The following CATSPER2 variants were observed in gnomAD, a reference collection of about 807,000 sequenced individuals.
CATSPER2 encodes the protein cation channel sperm-associated protein 2.
Under a neutral mutation model 68.8 loss-of-function variants are expected in CATSPER2, and 56 were observed. The ratio of observed to expected loss-of-function variants is 0.81; its 90% CI spans 0.66 to 1.02. CATSPER2 has a LOEUF of 1.02. CATSPER2 is among the 50% of genes least tolerant of loss of function. The pLI is 0.00. For missense variants in CATSPER2, 582 were observed against 642.0 expected (o/e 0.91, Z 1.01); for synonymous variants, 198 against 229.9 (o/e 0.86, Z 1.26).
rs2085951741 is a variant in CATSPER2, at chr15:43,635,728, T to G, written c.1120A>C (p.Arg374=). 6.2e-7 allele frequency: 1 copy of G among 1,611,820 alleles called. No individual in the cohort carries two copies. Among genetic ancestry groups the G allele is most frequent in the African/African-American group, 1.3e-5 (1 of 74,818 alleles). Residue 374 remains arginine, a splice_region_variant and synonymous_variant, in exon 9 of 13, where the codon AGG becomes CGG. Transcript: ENST00000396879. The part of the protein sequence containing the change: ...ADMFKRQIIQ[R]RKNMSHEALT... ...GGGGTTGAAAAGGGAGAAGCAGACC[T>G]CTGGATGATCTGCCGCTTGAACATG...
At position 43,641,517 on chromosome 15, in the gene CATSPER2, A is replaced by G. The variant is rs560089061; in HGVS notation, c.389-1021T>C. Among the ~76,000 whole-genome samples, 377 of 96,306 alleles carry G rather than the reference A, an allele frequency of 3.9e-3. 9 individuals carry two copies. The highest frequency in any genetic ancestry group is 0.031 in the African/African-American group (356 of 11,580). 63.2% of individuals were successfully genotyped at this position (96,306 alleles called of 152,430 possible). A position where few individuals can be genotyped will look rare whatever the true frequency, so the allele number is the denominator to read the frequency against. On this transcript the variant is annotated intron_variant, in intron 4 of 12. Transcript: ENST00000396879. The stretch of plus-strand genomic sequence containing the variant: ...AATGGATGTATGCCATACCCTTGGA[A>G]AAAAAAAAAACACTCAGATTATAAT...
At position 43,635,402 on chromosome 15, in the gene CATSPER2, G is replaced by A. The variant is rs1470788441; in HGVS notation, c.1136C>T (p.Ser379Leu). The A allele has an allele frequency of 6.2e-7, 1 of 1,607,566 alleles. No individual in the cohort carries two copies. Among genetic ancestry groups the A allele is most frequent in the East Asian group, 2.2e-5 (1 of 44,774 alleles). Residue 379 changes from serine to leucine, a missense_variant, in exon 10 of 13, where the codon TCA (serine) becomes TTA (leucine). By Grantham distance (145) the Ser-to-Leu change is moderately radical. Around this residue, in one of 5 missense-constraint regions of CATSPER2, gnomAD observed 235 missense variants for 264.2 expected, o/e 0.89. Coordinates refer to ENST00000396879, the MANE Select transcript of CATSPER2 (RefSeq NM_172095.4). The stretch of plus-strand genomic sequence containing the variant: ...ATGGCTTGACGTCAGTGCTTCATGT[G>A]ACATGTTTTTTCTCCTGCAGAGCAA... ...RQIIQRRKNM[S>L]HEALTSSHSK... is the part of the protein sequence containing the mutation.
chr15:43,641,769 C>T (rs1297063923), intron 4 of CATSPER2, among the ~76,000 whole-genome samples: 1 of 151,950 alleles, frequency 6.6e-6, no homozygotes, highest in African/African-American at 2.4e-5. Context: ...AGTGCAGTTG[C>T]ATAATCACGG....
At chr15:43,636,864 A>G (rs569244338) in intron 7 of CATSPER2, among the ~76,000 whole-genome samples, 1 of 148,676 alleles carries the variant, frequency 6.7e-6, no homozygotes, top group South Asian at 2.1e-4. Context: ...GTCTCACTCT[A>G]TCATCCACGC....
intron 4 of CATSPER2, 147 bp downstream of exon 4, chr15:43,646,903 G>C: frequency 1.4e-6 from 1 of 717,228 alleles, no homozygotes; most frequent in Non-Finnish European, 2.5e-6. Flanking sequence ...TTTTAGTAGA[G>C]ACAGGGTTTC....
intron 4 of CATSPER2, among the ~76,000 whole-genome samples, chr15:43,643,498 C>T (rs375858841): frequency 8.6e-5 from 13 of 151,808 alleles, no homozygotes; most frequent in African/African-American, 3.1e-4. Context: ...TCACCATACC[C>T]ACTAATTCTT....
At position 43,638,894 on chromosome 15, in the gene CATSPER2, C is replaced by A. The variant is rs376418301; in HGVS notation, c.842+10G>T. Reference sequence around the variant, plus strand: ...TCTCCCCTCACCCAGCTGTCCCCAGCTCTGCTTACGAGAAGAACACATGGT... The same window carrying A: ...TCTCCCCTCACCCAGCTGTCCCCAGATCTGCTTACGAGAAGAACACATGGT... On this transcript the variant is annotated intron_variant, in intron 7 of 12. Coordinates refer to ENST00000396879, the MANE Select transcript of CATSPER2 (RefSeq NM_172095.4). 2.7e-5 allele frequency: 43 copies of A among 1,612,650 alleles called. No individual in the cohort carries two copies. The highest frequency in any genetic ancestry group is 1.3e-4 in the South Asian group (12 of 91,034).
chr15:43,644,191 C>G (rs1460022642), intron 4 of CATSPER2, among the ~76,000 whole-genome samples: 2 of 151,876 alleles, frequency 1.3e-5, no homozygotes, highest in Non-Finnish European at 2.9e-5. Context: ...CAGTTTAGAT[C>G]ACTTTGTGAT....
Position 43,647,907 on chromosome 15 carries a change from G to C in CATSPER2, c.145+10C>G, listed in dbSNP as rs199876382. 9.6e-5 allele frequency: 155 copies of C among 1,613,018 alleles called. 2 individuals are homozygous for C. The highest frequency in any genetic ancestry group is 1.2e-4 in the Non-Finnish European group (140 of 1,179,298). On this transcript the variant is annotated intron_variant, in intron 2 of 12. Coordinates refer to ENST00000396879, the MANE Select transcript of CATSPER2 (RefSeq NM_172095.4). ...TTAAATTTAAATTAGTGAAGAAATA[G>C]GCTGCTGACCAAGTAACTCCCTGAT...
At chr15:43,644,393 T>C (rs2141577345) in intron 4 of CATSPER2, among the ~76,000 whole-genome samples, 1 of 152,102 alleles carries the variant, frequency 6.6e-6, no homozygotes, top group East Asian at 1.9e-4. Context: ...GCAATCTACT[T>C]ATCCTCTGGC....
At chr15:43,630,822 G>A in intron 12 of CATSPER2, 90 bp from the exon 13 acceptor site, 1 of 1,609,654 alleles carries the variant, frequency 6.2e-7, no homozygotes, top group Non-Finnish European at 8.5e-7. Flanking sequence ...CTGGGTTCTA[G>A]GTTCCCTCAC....
intron 5 of CATSPER2, chr15:43,640,076 T>C (rs2086045631): frequency 6.9e-7 from 1 of 1,441,222 alleles, no homozygotes; most frequent in African/African-American, 1.4e-5. Flanking sequence ...AAAATAATGC[T>C]TGGCACTTAG....
intron 4 of CATSPER2, among the ~76,000 whole-genome samples, chr15:43,643,498 C>A (rs375858841): frequency 6.6e-6 from 1 of 151,690 alleles, no homozygotes; most frequent in East Asian, 1.9e-4. Context: ...TCACCATACC[C>A]ACTAATTCTT....
rs766292661 is a variant in CATSPER2 at position 43,647,454 on chromosome 15, C to T, written c.159G>A (p.Gln53=). The T allele has an allele frequency of 1.2e-6, 2 of 1,611,698 alleles. No homozygotes were observed. The highest frequency in any genetic ancestry group is 1.7e-5 in the Admixed American group (1 of 59,848). The change falls in exon 3 of 13, where the codon CAG becomes CAA. Residue 53 remains glutamine (Q), a synonymous_variant. Coordinates refer to ENST00000396879, the MANE Select transcript of CATSPER2 (RefSeq NM_172095.4). Reference sequence around the variant, plus strand: ...GTTGATCTCCCAATACAAGTTTCTTCTGGCGGGAAGGATCTACAACAAAAA... The same window carrying T: ...GTTGATCTCCCAATACAAGTTTCTTTTGGCGGGAAGGATCTACAACAAAAA... ...TIRELLDPSR[Q]KKLVLGDQHQ... is the part of the protein sequence containing the mutation.
In CATSPER2 at chr15:43,628,958, T is replaced by TC. The variant is rs1037082597; in HGVS notation, c.*1742dup. 3 of 147,644 alleles carry TC rather than the reference T, an allele frequency of 2.0e-5. No individual in the cohort carries two copies. The highest frequency in any genetic ancestry group is 7.8e-5 in the African/African-American group (3 of 38,618). The allele number at this position is 147,644 out of a possible 1,614,324, so 9.1% of individuals were successfully genotyped here. A position where few individuals can be genotyped will look rare whatever the true frequency, so the allele number is the denominator to read the frequency against. On this transcript the variant is annotated 3_prime_UTR_variant, in exon 13 of 13. Transcript: ENST00000396879. ...AGCACTCCAGATGCTTCATGCTTCC[T>TC]CCCCATCAGTATCTTCACTCCAAGA...
intron 6 of CATSPER2, 126 bp downstream of exon 6, chr15:43,639,517 G>A (rs1567129956): frequency 2.0e-5 from 30 of 1,516,072 alleles, no homozygotes; most frequent in Middle Eastern, 4.9e-4. Context: ...CATCCCCCTC[G>A]GCTTCCCAAA....
rs1209428451 is a variant in CATSPER2 at position 43,635,319 on chromosome 15, C to T, written c.1178+41G>A. On this transcript the variant is annotated intron_variant, in intron 10 of 12. Transcript: ENST00000396879. ...ATCTTTAGTTTTCCACCCTCTCCTCCTTCATGTGTTTCTATCCCAGTTCAC... is the reference window on the plus strand; with the variant it reads ...ATCTTTAGTTTTCCACCCTCTCCTCTTTCATGTGTTTCTATCCCAGTTCAC... 5 of 1,533,780 alleles carry T rather than the reference C, an allele frequency of 3.3e-6. No individual in the cohort carries two copies. The Admixed American group carries it at 6.7e-5, about 21-fold the overall frequency.
At chr15:43,647,581 T>C in intron 2 of CATSPER2, 114 bp from the exon 3 acceptor site, 1 of 971,200 alleles carries the variant, frequency 1.0e-6, no homozygotes, top group Non-Finnish European at 1.7e-6. Context: ...TTACTGCTAG[T>C]CCTTCTCTTC....
chr15:43,647,220 T>C lies in CATSPER2; in HGVS notation c.319+74A>G, dbSNP rs913244873. On this transcript the variant is annotated intron_variant, in intron 3 of 12. Transcript: ENST00000396879. The stretch of plus-strand genomic sequence containing the variant: ...AAGCAGTGAAAATGAGACAGTGGAG[T>C]ATGGGGAGCAAAAAATAAGTCATTA... The C allele has an allele frequency of 1.7e-5, 26 of 1,573,784 alleles. 1 individual carries two copies. Among genetic ancestry groups the C allele is most frequent in the Non-Finnish European group, 1.8e-5 (21 of 1,144,292 alleles).
Sources: gnomAD v4.1 joint callset for allele counts (sites outside exome capture counted in the v4.1 genomes callset) on GRCh38, gnomAD v4.1.1 for gene constraint, gnomAD v4.1.1 regional missense constraint, MANE v1.5 for transcripts, NCBI Gene and HGNC (gene_info 2026-07-23, HGNC 2026-07-21) for gene names.